The following FSIP1 variants were observed in gnomAD, a reference collection of about 807,000 sequenced individuals.
The protein encoded by FSIP1 is fibrous sheath-interacting protein 1.
In FSIP1, 65 loss-of-function variants were observed where a neutral mutation model predicts 60.9. The observed-to-expected ratio is 1.07, with a 90% CI of 0.87 to 1.31. The LOEUF is 1.31. FSIP1 is among the 40% of genes most tolerant of loss of function. The pLI, the probability that FSIP1 is intolerant of heterozygous loss-of-function variation, is 0.00. For synonymous variants in FSIP1, 209 were observed against 221.2 expected, an observed-to-expected ratio of 0.94 and a Z score of 0.49; for missense variants, 675 against 665.5, an observed-to-expected ratio of 1.01 and a Z score of -0.16.
intron 11 of FSIP1, among the ~76,000 whole-genome samples, chr15:39,603,149 T>C (rs543063906): frequency 9.1e-4 from 138 of 152,322 alleles, no homozygotes; most frequent in Middle Eastern, 3.4e-3. Context: ...GAAAAACTCT[T>C]GGAACTTAGA....
chr15:39,661,613 G>A (rs537286919), intron 10 of FSIP1, among the ~76,000 whole-genome samples: 43 of 152,214 alleles, frequency 2.8e-4, no homozygotes, highest in African/African-American at 9.4e-4. Context: ...AATTCATTTT[G>A]CCCAAAATGC....
chr15:39,733,533 T>C (rs1380406401), intron 8 of FSIP1, among the ~76,000 whole-genome samples: 4 of 152,208 alleles, frequency 2.6e-5, no homozygotes, highest in Admixed American at 6.5e-5. Flanking sequence ...AGACACTGTC[T>C]ACTGACTGAC....
chr15:39,688,493 T>C (rs1000012797), intron 10 of FSIP1, among the ~76,000 whole-genome samples: 3 of 152,194 alleles, frequency 2.0e-5, no homozygotes, highest in Non-Finnish European at 2.9e-5. Context: ...GTATAGGTAT[T>C]CGAGTTAAGG....
chr15:39,749,682 T>C (rs1410018918), intron 5 of FSIP1, among the ~76,000 whole-genome samples: 2 of 151,894 alleles, frequency 1.3e-5, no homozygotes, highest in Non-Finnish European at 2.9e-5. Context: ...AGGCCATTTA[T>C]AAAAAGTTCA....
intron 10 of FSIP1, among the ~76,000 whole-genome samples, chr15:39,650,701 G>A (rs1003256026): frequency 6.6e-6 from 1 of 152,108 alleles, no homozygotes; most frequent in African/African-American, 2.4e-5. Context: ...CAGTTCTGAC[G>A]GTCTATCGTA....
intron 10 of FSIP1, among the ~76,000 whole-genome samples, chr15:39,633,926 C>T (rs1892016828): frequency 6.6e-6 from 1 of 152,124 alleles, no homozygotes; most frequent in Admixed American, 6.5e-5. Flanking sequence ...ATTCTCACAG[C>T]CTCCAAATTT....
chr15:39,679,813 T>C (rs1894088030), intron 10 of FSIP1, among the ~76,000 whole-genome samples: 1 of 152,186 alleles, frequency 6.6e-6, no homozygotes, highest in East Asian at 1.9e-4. Flanking sequence ...GGCATCTCCC[T>C]AGCTACATAA....
At chr15:39,620,046 C>T (rs1891386281) in intron 10 of FSIP1, among the ~76,000 whole-genome samples, 2 of 151,600 alleles carry the variant, frequency 1.3e-5, no homozygotes, top group Admixed American at 1.3e-4. Flanking sequence ...AAAATCAAAG[C>T]AATTATGAAC....
chr15:39,718,959 G>T (rs1895853108), intron 9 of FSIP1, among the ~76,000 whole-genome samples: 1 of 152,132 alleles, frequency 6.6e-6, no homozygotes, highest in African/African-American at 2.4e-5. Context: ...AGTTACTTCT[G>T]AGAAAGTTAT....
intron 10 of FSIP1, among the ~76,000 whole-genome samples, chr15:39,637,699 G>A (rs1315192081): frequency 6.6e-6 from 1 of 152,088 alleles, no homozygotes; most frequent in African/African-American, 2.4e-5. Flanking sequence ...GAACTTCCTA[G>A]ATTCAATGAT....
At chr15:39,746,589 T>C (rs1260874363) in intron 5 of FSIP1, among the ~76,000 whole-genome samples, 18 of 152,032 alleles carry the variant, frequency 1.2e-4, no homozygotes, top group Admixed American at 5.9e-4. Flanking sequence ...TTTTACCTCA[T>C]TGGAGGATAA....
intron 10 of FSIP1, among the ~76,000 whole-genome samples, chr15:39,667,674 T>G (rs987230634): frequency 6.6e-6 from 1 of 150,966 alleles, no homozygotes; most frequent in African/African-American, 2.4e-5. Flanking sequence ...AGCGGGAGAG[T>G]GAGAGAGAGA....
At position 39,732,717 on chromosome 15, in the gene FSIP1, T is replaced by C. The variant is rs113003991; in HGVS notation, c.891+5374A>G. Among the ~76,000 whole-genome samples, 1,318 of 152,042 alleles carry C rather than the reference T, an allele frequency of 8.7e-3. 19 individuals carry two copies. Among genetic ancestry groups the C allele is most frequent in the African/African-American group, 0.03 (1,239 of 41,436 alleles). On this transcript the variant is annotated intron_variant, in intron 8 of 11. Transcript: ENST00000350221. ...TAAAACATAATTATCATTTTAGTCA[T>C]ATCATTTAGTCTTCTTTAAGCTGTG...
intron 10 of FSIP1, among the ~76,000 whole-genome samples, chr15:39,705,712 T>C (rs1254377794): frequency 3.3e-5 from 5 of 152,120 alleles, no homozygotes; most frequent in Non-Finnish European, 7.4e-5. Flanking sequence ...AAAAGTCATA[T>C]ATTAATCAGG....
At chr15:39,729,366 G>T (rs1896317709) in intron 8 of FSIP1, among the ~76,000 whole-genome samples, 2 of 152,206 alleles carry the variant, frequency 1.3e-5, no homozygotes, top group Admixed American at 1.3e-4. Context: ...GAGCCCAGGA[G>T]TTCAATATAA....
chr15:39,673,331 A>C (rs532861922), intron 10 of FSIP1, among the ~76,000 whole-genome samples: 1 of 152,294 alleles, frequency 6.6e-6, no homozygotes, highest in South Asian at 2.1e-4. Flanking sequence ...TTTTTGTTTA[A>C]GAGCCAGGGT....
chr15:39,597,907 A>G (rs552591906), downstream of FSIP1: 9 of 152,352 alleles, frequency 5.9e-5, no homozygotes, highest in East Asian at 1.9e-4. Flanking sequence ...TTGTGGAGAC[A>G]CTTCGGAAGT....
chr15:39,761,448 T>G (rs1408697767), intron 5 of FSIP1, among the ~76,000 whole-genome samples: 2 of 152,208 alleles, frequency 1.3e-5, no homozygotes, highest in Non-Finnish European at 2.9e-5. Context: ...GAGGACATTA[T>G]GCCAAGCAAA....
intron 10 of FSIP1, among the ~76,000 whole-genome samples, chr15:39,667,448 A>G (rs1893541776): frequency 6.6e-6 from 1 of 152,208 alleles, no homozygotes; most frequent in Admixed American, 6.5e-5. Context: ...GATGGAAAGC[A>G]TAGGCTTATC....
Sources: gnomAD v4.1 joint callset for allele counts (sites outside exome capture counted in the v4.1 genomes callset) on GRCh38, gnomAD v4.1.1 for gene constraint, MANE v1.5 for transcripts, NCBI Gene and HGNC (gene_info 2026-07-23, HGNC 2026-07-21) for gene names.